Variants in IFT172 observed in about 807,000 individuals in gnomAD.
The protein encoded by IFT172 is intraflagellar transport protein 172 homolog.
A neutral mutation model predicts 248.9 loss-of-function variants in IFT172; 164 were observed. That is an observed-to-expected ratio of 0.66 (90% CI 0.58 to 0.75). IFT172 has a LOEUF of 0.75. Ranked by LOEUF, IFT172 falls within the 30% of genes least tolerant of loss-of-function variation. IFT172 has a pLI of 0.00. For synonymous variants in IFT172, 729 were observed against 791.6 expected (o/e 0.92, Z 1.33); for missense variants, 1,950 against 2,192.4 (o/e 0.89, Z 2.21).
At chr2:27,444,587 G>A (rs547218491) in intron 47 of IFT172, 66 bp from the exon 48 acceptor site, 38 of 1,260,378 alleles carry the variant, frequency 3.0e-5, no homozygotes, top group Non-Finnish European at 3.8e-5. Flanking sequence ...CAGCTCCATC[G>A]CAGGCTTCAG....
At chr2:27,460,985 A>T in intron 23 of IFT172, 30 bp downstream of exon 23, 1 of 1,614,026 alleles carries the variant, frequency 6.2e-7, no homozygotes, top group Non-Finnish European at 8.5e-7. Context: ...AGTCCACAAC[A>T]GTAAAGGATG....
At chr2:27,476,500 T>C (rs538355359) in intron 14 of IFT172, 141 bp downstream of exon 14, 449 of 579,084 alleles carry the variant, frequency 7.8e-4, no homozygotes, top group Non-Finnish European at 1.3e-3. Context: ...ACATTTCATA[T>C]ATATCCACTG....
At chr2:27,472,760 G>T (rs1188514575) in intron 14 of IFT172, among the ~76,000 whole-genome samples, 2 of 152,248 alleles carry the variant, frequency 1.3e-5, no homozygotes, top group African/African-American at 4.8e-5. Flanking sequence ...CACTGCAAGG[G>T]TGGATGGTGG....
intron 16 of IFT172, 95 bp from the exon 17 acceptor site, chr2:27,465,977 G>A (rs577213497): frequency 5.9e-5 from 83 of 1,402,822 alleles, no homozygotes; most frequent in Non-Finnish European, 7.7e-5. Context: ...CCCAGTCAGT[G>A]GTCAAGAGAG....
At chr2:27,464,347 A>T (rs540148678) in intron 18 of IFT172, among the ~76,000 whole-genome samples, 1 of 152,278 alleles carries the variant, frequency 6.6e-6, no homozygotes, top group African/African-American at 2.4e-5. Context: ...GGCAAATACT[A>T]TTATTAACCC....
chr2:27,483,426 C>T lies in IFT172; in HGVS notation c.483-50G>A, dbSNP rs192062891. On this transcript the variant is annotated intron_variant, in intron 6 of 47. Coordinates refer to ENST00000260570, the MANE Select transcript of IFT172 (RefSeq NM_015662.3). ...TACAGGAAGAGACTATTTTATCTCACCAAGAAAGCCCCTTTCTCTGTCAAA... is the reference window on the plus strand; with the variant it reads ...TACAGGAAGAGACTATTTTATCTCATCAAGAAAGCCCCTTTCTCTGTCAAA... 2.5e-5 allele frequency: 36 copies of T among 1,418,934 alleles called. No homozygotes were observed. The Middle Eastern group carries it at 4.1e-3, about 161-fold the overall frequency. The allele number at this position is 1,418,934 out of a possible 1,614,324, so 87.9% of individuals were successfully genotyped here.
At position 27,464,169 on chromosome 2, in the gene IFT172, T is replaced by A. The variant is rs114529418; in HGVS notation, c.1938-988A>T. On this transcript the variant is annotated intron_variant, in intron 18 of 47. Transcript: ENST00000260570. ...ATCAGGATGTGTTTTGAAGACAGAG[T>A]CCTTAGGACTTACTGATAATCTACA... Among the ~76,000 whole-genome samples the A allele has an allele frequency of 6.4e-3, 975 of 152,092 alleles. 3 individuals are homozygous for A. The highest frequency in any genetic ancestry group is 0.017 in the Middle Eastern group (5 of 294).
At chr2:27,472,670 C>T (rs1667658297) in intron 14 of IFT172, among the ~76,000 whole-genome samples, 1 of 152,146 alleles carries the variant, frequency 6.6e-6, no homozygotes, top group South Asian at 2.1e-4. Flanking sequence ...AGCAGTGAGA[C>T]AAGGCTGATG....
intron 4 of IFT172, 76 bp from the exon 5 acceptor site, chr2:27,484,013 A>C: frequency 7.6e-7 from 1 of 1,312,782 alleles, no homozygotes; most frequent in Non-Finnish European, 1.1e-6. Flanking sequence ...TCAACACCCC[A>C]CCACACACCA....
chr2:27,478,234 C>T lies in IFT172; in HGVS notation c.1006-78G>A, dbSNP rs866344000. 14 of 1,546,332 alleles carry T rather than the reference C, an allele frequency of 9.1e-6. No homozygotes were observed. The Middle Eastern group carries it at 2.0e-3, about 225-fold the overall frequency. On this transcript the variant is annotated intron_variant, in intron 10 of 47. Coordinates refer to ENST00000260570, the MANE Select transcript of IFT172 (RefSeq NM_015662.3). Reference sequence around the variant, plus strand: ...GTGAACAACCATGACCTTTGCCCACCTCCACAGCACTAAACAAAGCTAATA... The same window carrying T: ...GTGAACAACCATGACCTTTGCCCACTTCCACAGCACTAAACAAAGCTAATA...
At chr2:27,457,501 G>A in intron 29 of IFT172, 138 bp downstream of exon 29, 2 of 698,634 alleles carry the variant, frequency 2.9e-6, no homozygotes, top group Non-Finnish European at 5.0e-6. Context: ...CTTAAGCCCA[G>A]GAGGTCAAGG....
intron 16 of IFT172, among the ~76,000 whole-genome samples, chr2:27,470,606 G>A (rs187212057): frequency 2.6e-5 from 4 of 152,180 alleles, no homozygotes; most frequent in East Asian, 3.9e-4. Context: ...GGCTTATAAC[G>A]GAGAATCAGC....
chr2:27,445,569 ATCC>A lies in IFT172; in HGVS notation c.4915-123_4915-121del, dbSNP rs1302998263. The A allele has an allele frequency of 1.5e-6, 2 of 1,330,368 alleles. No homozygotes were observed. The highest frequency in any genetic ancestry group is 1.5e-5 in the African/African-American group (1 of 67,994). The allele number at this position is 1,330,368 out of a possible 1,614,324, so 82.4% of individuals were successfully genotyped here. A position where few individuals can be genotyped will look rare whatever the true frequency, so the allele number is the denominator to read the frequency against. ...CCTGTATACCAGCTTTTAGCCACGAATCCTCCTTGGATTGGGGGATGCAGTCAC... is the reference window on the plus strand; with the variant it reads ...CCTGTATACCAGCTTTTAGCCACGAATCCTTGGATTGGGGGATGCAGTCAC... On this transcript the variant is annotated intron_variant, in intron 45 of 47. Coordinates refer to ENST00000260570, the MANE Select transcript of IFT172 (RefSeq NM_015662.3). This position sits in a 1 kb window ranked among gnomAD's most constrained non-coding sequence, Gnocchi z 4.4.
In IFT172 at chr2:27,483,342, C is replaced by G; in HGVS notation, c.517G>C (p.Asp173His). ...AAGAAATACCTAACGATGGTACCAT[C>G]TGCATGACCAGAGAGAATTCCTTTC... The part of the protein sequence containing the change: ...SGKGILSGHA[D>H]GTIVRYFFDD... Residue 173 changes from aspartate (D) to histidine (H), a missense_variant, in exon 7 of 48, where the codon GAT (aspartate) becomes CAT (histidine). Coordinates refer to ENST00000260570, the MANE Select transcript of IFT172 (RefSeq NM_015662.3). The G allele has an allele frequency of 6.2e-7, 1 of 1,608,116 alleles. No individual in the cohort carries two copies. The highest frequency in any genetic ancestry group is 8.5e-7 in the Non-Finnish European group (1 of 1,174,530).
Position 27,453,484 on chromosome 2 carries a change from C to T in IFT172, c.3851G>A (p.Arg1284Gln), listed in dbSNP as rs147394910. 7.9e-5 allele frequency: 127 copies of T among 1,614,180 alleles called. No individual in the cohort carries two copies. The highest frequency in any genetic ancestry group is 7.2e-4 in the African/African-American group (54 of 75,042). Residue 1284 changes from arginine to glutamine, a missense_variant, in exon 35 of 48, where the codon CGA becomes CAA. This residue lies in a region of IFT172 where 620 missense variants were observed against 699.0 expected (regional missense o/e 0.89). Coordinates refer to ENST00000260570, the MANE Select transcript of IFT172 (RefSeq NM_015662.3). ...RGVEGFVEQA[R>Q]HWEQAGEYSR... ...GTACTCTCCAGCCTGCTCCCAGTGT[C>T]GAGCTTGTTCCACAAATCCCTCCAC...
intron 14 of IFT172, among the ~76,000 whole-genome samples, chr2:27,473,369 CAAAA>C (rs567775832): frequency 1.8e-5 from 1 of 54,446 alleles, no homozygotes; most frequent in Admixed American, 1.9e-4. Context: ...GACTCTGTCT[CAAAA>C]AAAAAAAAAA....
At position 27,461,317 on chromosome 2, in the gene IFT172, C is replaced by T. The variant is rs879054678; in HGVS notation, c.2394G>A (p.Leu798=). The T allele has an allele frequency of 1.9e-6, 3 of 1,614,120 alleles. No individual in the cohort carries two copies. The highest frequency in any genetic ancestry group is 3.3e-5 in the Admixed American group (2 of 60,010). ...TREELLANTE[L]VEHITAALIK... ...TAAGGGCTGCAGTGATGTGTTCTACCAGCTCTGTGTTGGCTAGCAGTTCCT... is the reference window on the plus strand; with the variant it reads ...TAAGGGCTGCAGTGATGTGTTCTACTAGCTCTGTGTTGGCTAGCAGTTCCT... The change falls in exon 22 of 48, where the codon CTG becomes CTA. Residue 798 remains leucine, a synonymous_variant. Transcript: ENST00000260570.
chr2:27,462,835 G>T, intron 19 of IFT172, 42 bp from the exon 20 acceptor site: 1 of 1,585,866 alleles, frequency 6.3e-7, no homozygotes, highest in Non-Finnish European at 8.7e-7. Context: ...TGTAGGTGCT[G>T]CCATTCTGTC....
rs751078156 is a variant in IFT172 at position 27,449,026 on chromosome 2, G to A, written c.4317C>T (p.Tyr1439=). The A allele has an allele frequency of 6.4e-7, 1 of 1,569,980 alleles. No homozygotes were observed. Among genetic ancestry groups the A allele is most frequent in the Non-Finnish European group, 8.8e-7 (1 of 1,139,874 alleles). The change falls in exon 40 of 48, where the codon TAC becomes TAT. Residue 1439 remains tyrosine, a synonymous_variant. Coordinates refer to ENST00000260570, the MANE Select transcript of IFT172 (RefSeq NM_015662.3). ...KCIETATKQN[Y]KILHKYVALY... Reference sequence around the variant, plus strand: ...AAGCCACATACTTGTGCAGAATCTTGTAGTTCTGTACAGGGGTGGAGGAAA... The same window carrying A: ...AAGCCACATACTTGTGCAGAATCTTATAGTTCTGTACAGGGGTGGAGGAAA...
Sources: gnomAD v4.1 joint callset for allele counts (sites outside exome capture counted in the v4.1 genomes callset) on GRCh38, gnomAD v4.1.1 for gene constraint, gnomAD v4.1.1 regional missense constraint, Gnocchi (gnomAD v3.1) non-coding constraint, MANE v1.5 for transcripts, NCBI Gene and HGNC (gene_info 2026-07-23, HGNC 2026-07-21) for gene names.